The following ZFP69 variants were observed in gnomAD, a reference collection of about 807,000 sequenced individuals.
ZFP69 encodes the protein ZFP69 zinc finger protein.
ZFP69 carries 35 observed loss-of-function variants against 48.9 expected under a neutral mutation model. The observed-to-expected ratio is 0.72, with a 90% CI of 0.55 to 0.95. ZFP69 has a LOEUF of 0.95. Among genes scored for constraint, ZFP69 ranks in the 40% least tolerant of loss-of-function variants. The pLI is 0.00. For missense variants in ZFP69, 557 were observed against 638.4 expected, an observed-to-expected ratio of 0.87 and a Z score of 1.37; for synonymous variants, 193 against 216.8, an observed-to-expected ratio of 0.89 and a Z score of 0.96.
In ZFP69 at chr1:40,495,924, TAAA is replaced by T. The variant is rs1165170070; in HGVS notation, c.1450_1452del (p.Lys484del). 3 of 1,614,132 alleles carry T rather than the reference TAAA, an allele frequency of 1.9e-6. No individual in the cohort carries two copies. Among genetic ancestry groups the T allele is most frequent in the Non-Finnish European group, 1.7e-6 (2 of 1,180,028 alleles). On this transcript the variant is annotated inframe_deletion, in exon 6 of 6. Coordinates refer to ENST00000372706, the MANE Select transcript of ZFP69 (RefSeq NM_001320179.2). The stretch of plus-strand genomic sequence containing the variant: ...AAGCCTATAGGCATGATTCATCCTT[TAAA>T]AAACATCAGAGACATCACACTGGAG...
rs748365232 is a variant in ZFP69, at chr1:40,489,640, TTAGTC to T, written c.442+18_442+22del. On this transcript the variant is annotated intron_variant, in intron 5 of 5. Transcript: ENST00000372706. ...CCCAGTTCAGGTGAGACCAAGTGTGTTAGTCTGTTTTTGTGTTGCTATAAAGGAAT... is the reference window on the plus strand; with the variant it reads ...CCCAGTTCAGGTGAGACCAAGTGTGTTGTTTTTGTGTTGCTATAAAGGAAT... 6.4e-7 allele frequency: 1 copy of T among 1,574,684 alleles called. No individual in the cohort carries two copies. The highest frequency in any genetic ancestry group is 1.1e-5 in the South Asian group (1 of 86,996).
At position 40,479,429 on chromosome 1, in the gene ZFP69, A is replaced by AGAAGGCCGT. The variant is rs1456746478; in HGVS notation, c.70_78dup (p.Lys24_Val26dup). The AGAAGGCCGT allele has an allele frequency of 1.1e-5, 17 of 1,614,004 alleles. No individual in the cohort carries two copies. The highest frequency in any genetic ancestry group is 1.4e-5 in the Non-Finnish European group (17 of 1,179,974). ...ACCTGGGTGAAGCTGCAACATCCAA[A>AGAAGGCCGT]GAAGGCCGTGGAGGGGGCGCCCCTG... On this transcript the variant is annotated inframe_insertion, in exon 2 of 6. Coordinates refer to ENST00000372706, the MANE Select transcript of ZFP69 (RefSeq NM_001320179.2).
At chr1:40,489,460 CA>C in intron 4 of ZFP69, 68 bp from the exon 5 acceptor site, 2 of 1,438,204 alleles carry the variant, frequency 1.4e-6, no homozygotes, top group South Asian at 2.4e-5. Flanking sequence ...CCAGAAGACT[CA>C]AAATTCTGAG....
rs1425420384 is a variant in ZFP69 at position 40,481,752 on chromosome 1, TC to T, written c.128-9del. 1 of 1,597,932 alleles carries T rather than the reference TC, an allele frequency of 6.3e-7. No individual in the cohort carries two copies. Among genetic ancestry groups the T allele is most frequent in the Non-Finnish European group, 8.5e-7 (1 of 1,171,124 alleles). ...GGAGATGCAAAGCTCATGGCTCTTT[TC>T]CTTCCCCAGCTCTGCTGTCTCAGGA... is the stretch of plus-strand genomic sequence containing the variant. On this transcript the variant is annotated splice_polypyrimidine_tract_variant and intron_variant, in intron 2 of 5. Coordinates refer to ENST00000372706, the MANE Select transcript of ZFP69 (RefSeq NM_001320179.2).
chr1:40,481,641 T>C (rs1645444520), intron 2 of ZFP69, 122 bp from the exon 3 acceptor site: 3 of 687,836 alleles, frequency 4.4e-6, no homozygotes, highest in Non-Finnish European at 7.2e-6. Context: ...CTTGAGTCAC[T>C]CTCAGTGTCC....
intron 3 of ZFP69, among the ~76,000 whole-genome samples, chr1:40,482,691 A>G (rs1645454475): frequency 6.6e-6 from 1 of 152,222 alleles, no homozygotes; most frequent in African/African-American, 2.4e-5. Flanking sequence ...ACAATAATTA[A>G]AAGAACATTG....
chr1:40,492,811 T>C (rs1570042033), intron 5 of ZFP69, among the ~76,000 whole-genome samples: 1 of 152,250 alleles, frequency 6.6e-6, no homozygotes, highest in Admixed American at 6.5e-5. Context: ...CCTGTACATA[T>C]TGTACATTTT....
chr1:40,487,728 C>T (rs563494595), intron 3 of ZFP69, among the ~76,000 whole-genome samples: 4 of 152,240 alleles, frequency 2.6e-5, no homozygotes, highest in East Asian at 1.9e-4. Flanking sequence ...TTCATCTCTC[C>T]GGTAAATTGC....
At position 40,494,957 on chromosome 1, in the gene ZFP69, C is replaced by G. The variant is rs756132763; in HGVS notation, c.479C>G (p.Ala160Gly). Residue 160 changes from alanine (A) to glycine (G), a missense_variant, in exon 6 of 6, where the codon GCA (alanine) becomes GGA (glycine). Physicochemically the swap from Ala to Gly is moderately conservative, Grantham distance 60. Coordinates refer to ENST00000372706, the MANE Select transcript of ZFP69 (RefSeq NM_001320179.2). ...AAAATAGAAACCATTGAGTCAACTG[C>G]AAAGAGTACCATTTCACAGGAGCGC... Reference protein sequence around the residue: ...KSKIETIESTAKSTISQERLY... With the variant: ...KSKIETIESTGKSTISQERLY... The G allele has an allele frequency of 6.2e-7, 1 of 1,612,852 alleles. No homozygotes were observed. The highest frequency in any genetic ancestry group is 1.7e-5 in the Admixed American group (1 of 59,778).
At chr1:40,480,657 C>G (rs1645434856) in intron 2 of ZFP69, among the ~76,000 whole-genome samples, 1 of 151,292 alleles carries the variant, frequency 6.6e-6, no homozygotes, top group African/African-American at 2.4e-5. Context: ...CAAAATGGTG[C>G]AATTCCACTT....
chr1:40,490,031 A>C (rs547941608), intron 5 of ZFP69, among the ~76,000 whole-genome samples: 2 of 151,922 alleles, frequency 1.3e-5, no homozygotes, highest in African/African-American at 4.8e-5. Flanking sequence ...CACCACGCTC[A>C]GCTAATTTTT....
At chr1:40,486,471 T>C (rs78174840) in intron 3 of ZFP69, among the ~76,000 whole-genome samples, 2 of 76,936 alleles carry the variant, frequency 2.6e-5, no homozygotes, top group African/African-American at 9.6e-5. Context: ...CCCTCCCTCC[T>C]TTCTTCCTCC....
intron 2 of ZFP69, among the ~76,000 whole-genome samples, chr1:40,480,738 T>C (rs1645435439): frequency 6.6e-6 from 1 of 152,210 alleles, no homozygotes; most frequent in South Asian, 2.1e-4. Context: ...TTGATGCTAA[T>C]GTTTATTTGA....
Position 40,477,559 on chromosome 1 carries a change from C to T in ZFP69, c.-662C>T, listed in dbSNP as rs567116563. On this transcript the variant is annotated 5_prime_UTR_variant, in exon 1 of 6. Coordinates refer to ENST00000372706, the MANE Select transcript of ZFP69 (RefSeq NM_001320179.2). The surrounding 1 kb of genome is among the most constrained non-coding windows in gnomAD (Gnocchi z 4.0). ...CAAGACGCCGGCTCAGGGCATCCCT[C>T]CCATTCCGGCCCTCAAAGCCTCGCT... The T allele has an allele frequency of 6.6e-6, 1 of 152,292 alleles. No homozygotes were observed. Among genetic ancestry groups the T allele is most frequent in the Non-Finnish European group, 1.5e-5 (1 of 68,120 alleles). 9.4% of individuals were successfully genotyped at this position (152,292 alleles called of 1,614,324 possible). A position where few individuals can be genotyped will look rare whatever the true frequency, so the allele number is the denominator to read the frequency against.
chr1:40,481,829 CT>C lies in ZFP69; in HGVS notation c.195del (p.Gly66AspfsTer11). 1.9e-6 allele frequency: 3 copies of C among 1,613,226 alleles called. No individual in the cohort carries two copies. The highest frequency in any genetic ancestry group is 2.5e-6 in the Non-Finnish European group (3 of 1,179,380). On this transcript the variant is annotated frameshift_variant, in exon 3 of 6. Transcript: ENST00000372706. LOFTEE classifies it high-confidence loss of function. ...QRESLEDEVT[P>X]GLPTAESQEL... Reference sequence around the variant, plus strand: ...GAAAGTTTAGAGGATGAAGTGACCCCTGGACTCCCGACAGCAGAATCCCAGG... The same window carrying C: ...GAAAGTTTAGAGGATGAAGTGACCCCGGACTCCCGACAGCAGAATCCCAGG...
In ZFP69 at chr1:40,494,997, T is replaced by G; in HGVS notation, c.519T>G (p.Ile173Met). 1 of 1,613,960 alleles carries G rather than the reference T, an allele frequency of 6.2e-7. No individual in the cohort carries two copies. Among genetic ancestry groups the G allele is most frequent in the East Asian group, 2.2e-5 (1 of 44,848 alleles). ...TISQERLYHG[I>M]MMESFMRDDI... ...CACAGGAGCGCTTATATCATGGCATTATGATGGAAAGTTTCATGAGGGATG... is the reference window on the plus strand; with the variant it reads ...CACAGGAGCGCTTATATCATGGCATGATGATGGAAAGTTTCATGAGGGATG... The change falls in exon 6 of 6, where the codon ATT (isoleucine) becomes ATG (methionine). Residue 173 changes from isoleucine to methionine, a missense_variant. Coordinates refer to ENST00000372706, the MANE Select transcript of ZFP69 (RefSeq NM_001320179.2).
In ZFP69 at chr1:40,479,038, T is replaced by G; in HGVS notation, c.-324T>G. On this transcript the variant is annotated splice_region_variant and 5_prime_UTR_variant, in exon 2 of 6. It adds an upstream start codon to the 5' untranslated region. Transcript: ENST00000372706. ...CAGTTTTAAATATATTTCTGCAGAT[T>G]CTGGAGTTCTGGAGACAAGTGCTTC... The G allele has an allele frequency of 4.0e-6, 1 of 249,266 alleles. No homozygotes were observed. Among genetic ancestry groups the G allele is most frequent in the South Asian group, 4.9e-5 (1 of 20,446 alleles). The allele number at this position is 249,266 out of a possible 1,614,324, so 15.4% of individuals were successfully genotyped here.
At chr1:40,488,611 C>G (rs1452434941) in intron 3 of ZFP69, among the ~76,000 whole-genome samples, 1 of 152,232 alleles carries the variant, frequency 6.6e-6, no homozygotes, top group Non-Finnish European at 1.5e-5. Context: ...ATGCTGTTCA[C>G]TTTCCTGTTC....
In ZFP69 at chr1:40,487,910, GGT is replaced by G. The variant is rs1435544641; in HGVS notation, c.220-1176_220-1175del. Reference sequence around the variant, plus strand: ...AAAAATACAAAAATTAGCTGGGCGTGGTGGCGTGCGCCTGTAATACCAGCTAC... The same window carrying G: ...AAAAATACAAAAATTAGCTGGGCGTGGGCGTGCGCCTGTAATACCAGCTAC... On this transcript the variant is annotated intron_variant, in intron 3 of 5. Transcript: ENST00000372706. 2.0e-5 allele frequency among the ~76,000 whole-genome samples: 3 copies of G among 152,254 alleles called. No individual in the cohort carries two copies. In the South Asian group the frequency reaches 6.2e-4, roughly 32 times the overall value.
Sources: allele counts gnomAD v4.1 joint callset (sites outside exome capture counted in the v4.1 genomes callset), GRCh38; gene constraint gnomAD v4.1.1; non-coding constraint Gnocchi (gnomAD v3.1); transcripts MANE v1.5; gene names NCBI Gene and HGNC (gene_info 2026-07-23, HGNC 2026-07-21).